Variants in HMGCLL1 observed in about 807,000 individuals in gnomAD.
The protein encoded by HMGCLL1 is 3-hydroxymethyl-3-methylglutaryl-CoA lyase, cytoplasmic.
HMGCLL1 carries 36 observed loss-of-function variants against 39.1 expected under a neutral mutation model. The ratio of observed to expected loss-of-function variants is 0.92; its 90% CI spans 0.71 to 1.22. The LOEUF is 1.22. Among genes scored for constraint, HMGCLL1 ranks in the 50% most tolerant of loss-of-function variants. HMGCLL1 has a pLI of 0.00. For missense variants in HMGCLL1, 451 were observed against 416.5 expected, an observed-to-expected ratio of 1.08 and a Z score of -0.72; for synonymous variants, 149 against 144.0, an observed-to-expected ratio of 1.03 and a Z score of -0.25.
intron 7 of HMGCLL1, among the ~76,000 whole-genome samples, chr6:55,462,291 C>A (rs142067595): frequency 6.6e-6 from 1 of 152,128 alleles, no homozygotes; most frequent in Non-Finnish European, 1.5e-5. Context: ...AAATTCTCAT[C>A]TTTATCTGTT....
chr6:55,471,857 TG>T (rs1266807210), intron 7 of HMGCLL1, among the ~76,000 whole-genome samples: 4 of 151,610 alleles, frequency 2.6e-5, no homozygotes, highest in Non-Finnish European at 5.9e-5. Context: ...ATCCTACTCC[TG>T]TGTAAACATC....
At chr6:55,603,274 A>G in the HMGCLL1 span, among the ~76,000 whole-genome samples, 1 of 152,234 alleles carries the variant, frequency 6.6e-6, no homozygotes, top group Non-Finnish European at 1.5e-5. Flanking sequence ...TAGCAGGTTG[A>G]CATACTATCT....
chr6:55,527,215 C>G (rs10948939), intron 3 of HMGCLL1, among the ~76,000 whole-genome samples: 103,134 of 151,926 alleles, frequency 0.68, 35,058 homozygotes, highest in Admixed American at 0.72. Flanking sequence ...TCAGGCTGAA[C>G]AGTCTTGTGG....
chr6:55,574,254 T>C (rs1425063323), intron 1 of HMGCLL1, among the ~76,000 whole-genome samples: 1 of 151,634 alleles, frequency 6.6e-6, no homozygotes. Context: ...GAAAGTAATC[T>C]GAGGAAAAAA....
chr6:55,641,908 T>TTATG, the HMGCLL1 span, among the ~76,000 whole-genome samples: 1 of 147,466 alleles, frequency 6.8e-6, no homozygotes, highest in African/African-American at 2.5e-5. Context: ...ATTTATTTAT[T>TTATG]TATTTATTTT....
intron 1 of HMGCLL1, among the ~76,000 whole-genome samples, chr6:55,550,230 C>T (rs554027803): frequency 6.6e-6 from 1 of 152,064 alleles, no homozygotes; most frequent in African/African-American, 2.4e-5. Context: ...GATTAATAGA[C>T]TACAGCGGAT....
chr6:55,570,524 T>A (rs921148400), intron 1 of HMGCLL1, among the ~76,000 whole-genome samples: 1 of 152,200 alleles, frequency 6.6e-6, no homozygotes, highest in Non-Finnish European at 1.5e-5. Flanking sequence ...GGCCATATAG[T>A]CTCTATCCCT....
chr6:55,533,885 C>CAAAAAAA (rs70986727), intron 3 of HMGCLL1, among the ~76,000 whole-genome samples: 4 of 71,724 alleles, frequency 5.6e-5, no homozygotes, highest in Admixed American at 1.8e-4. Flanking sequence ...GACTCCGTCT[C>CAAAAAAA]AAAAAAAAAA....
At chr6:55,617,210 T>TCAA in the HMGCLL1 span, among the ~76,000 whole-genome samples, 1 of 152,128 alleles carries the variant, frequency 6.6e-6, no homozygotes, top group East Asian at 1.9e-4. Context: ...CATGATGTCC[T>TCAA]GTCTTGCTTG....
At chr6:55,606,590 A>G in the HMGCLL1 span, among the ~76,000 whole-genome samples, 27 of 152,252 alleles carry the variant, frequency 1.8e-4, no homozygotes, top group African/African-American at 6.5e-4. Context: ...ATATTTAGGC[A>G]GATATTTTTA....
chr6:55,578,052 C>A (rs1429362798), intron 1 of HMGCLL1, among the ~76,000 whole-genome samples: 1 of 152,138 alleles, frequency 6.6e-6, no homozygotes, highest in Non-Finnish European at 1.5e-5. Flanking sequence ...TGATTTAAAT[C>A]CACATGGTAC....
intron 5 of HMGCLL1, among the ~76,000 whole-genome samples, chr6:55,510,830 C>G (rs1202581476): frequency 1.3e-5 from 2 of 150,048 alleles, no homozygotes; most frequent in East Asian, 1.9e-4. Flanking sequence ...AACCTGCTGA[C>G]CTTGTAATTT....
At chr6:55,529,099 T>C (rs970421442) in intron 3 of HMGCLL1, among the ~76,000 whole-genome samples, 6 of 152,134 alleles carry the variant, frequency 3.9e-5, no homozygotes, top group African/African-American at 1.4e-4. Flanking sequence ...TTAGTTATTA[T>C]TTGTTCAGGT....
At chr6:55,536,122 C>A (rs867450510) in intron 3 of HMGCLL1, among the ~76,000 whole-genome samples, 1 of 152,070 alleles carries the variant, frequency 6.6e-6, no homozygotes, top group African/African-American at 2.4e-5. Context: ...GTAATTTACT[C>A]GTTCCTTCTT....
At chr6:55,641,147 A>T in the HMGCLL1 span, among the ~76,000 whole-genome samples, 1 of 151,866 alleles carries the variant, frequency 6.6e-6, no homozygotes, top group Non-Finnish European at 1.5e-5. Flanking sequence ...TTTTGGTAAA[A>T]AAAAACAGTA....
intron 1 of HMGCLL1, chr6:55,564,039 A>G: frequency 2.3e-6 from 1 of 443,524 alleles, no homozygotes; most frequent in South Asian, 1.6e-5. Context: ...AAGCCTCATG[A>G]AAGTGCATTC....
At chr6:55,577,144 G>A in intron 1 of HMGCLL1, 1 of 1,601,722 alleles carries the variant, frequency 6.2e-7, no homozygotes, top group Non-Finnish European at 8.5e-7. Context: ...GCTGAAAGCA[G>A]TGAAGGTTTG....
At chr6:55,486,537 G>A (rs1766043132) in intron 7 of HMGCLL1, among the ~76,000 whole-genome samples, 1 of 152,032 alleles carries the variant, frequency 6.6e-6, no homozygotes, top group South Asian at 2.1e-4. Flanking sequence ...TTCTCATAAA[G>A]CTGGCAATGC....
chr6:55,639,891 C>T, the HMGCLL1 span, among the ~76,000 whole-genome samples: 1 of 151,912 alleles, frequency 6.6e-6, no homozygotes, highest in South Asian at 2.1e-4. Flanking sequence ...CCAGCCTGGC[C>T]AACATGGTGA....
Sources: allele counts gnomAD v4.1 joint callset (sites outside exome capture counted in the v4.1 genomes callset), GRCh38; gene constraint gnomAD v4.1.1; transcripts MANE v1.5; gene names NCBI Gene and HGNC (gene_info 2026-07-23, HGNC 2026-07-21).